The following CSMD1 variants were observed in gnomAD, a reference collection of about 807,000 sequenced individuals.
CSMD1 encodes the protein CUB and sushi domain-containing protein 1.
A neutral mutation model predicts 417.5 loss-of-function variants in CSMD1; 213 were observed. That is an observed-to-expected ratio of 0.51 (90% CI 0.46 to 0.57). CSMD1 has a LOEUF of 0.57. CSMD1 is among the 20% of genes least tolerant of loss of function. CSMD1 has a pLI of 0.00. For missense variants in CSMD1, 6,923 were observed against 4,529.7 expected (o/e 1.53, Z -15.17); for synonymous variants, 2,862 against 1,736.8 (o/e 1.65, Z -16.11).
intron 3 of CSMD1, among the ~76,000 whole-genome samples, chr8:4,319,716 A>G (rs1405880049): frequency 2.6e-5 from 4 of 152,112 alleles, no homozygotes; most frequent in African/African-American, 9.7e-5. Context: ...TTCTTGGATT[A>G]GAGGAAAAAG....
Position 4,137,039 on chromosome 8 carries a change from T to G in CSMD1, c.416-104940A>C, listed in dbSNP as rs553466944. 6.6e-5 allele frequency among the ~76,000 whole-genome samples: 10 copies of G among 152,230 alleles called. No homozygotes were observed. In the South Asian group the frequency reaches 1.0e-3, roughly 16 times the overall value. ...TGTATTTTTACAACATGATCACAGT[T>G]GGTTGGCTTTTCGGGCTCTAACTTC... On this transcript the variant is annotated intron_variant, in intron 3 of 69. Coordinates refer to ENST00000635120, the MANE Select transcript of CSMD1 (RefSeq NM_033225.6).
intron 54 of CSMD1, among the ~76,000 whole-genome samples, chr8:2,997,109 T>C (rs962590322): frequency 1.3e-5 from 2 of 152,236 alleles, no homozygotes; most frequent in African/African-American, 4.8e-5. Flanking sequence ...CTGTGGTTAG[T>C]TGAGTGAACT....
At chr8:4,324,875 C>G (rs1342265956) in intron 3 of CSMD1, among the ~76,000 whole-genome samples, 1 of 152,152 alleles carries the variant, frequency 6.6e-6, no homozygotes, top group African/African-American at 2.4e-5. Context: ...ACCTCAGGGT[C>G]CTGGATCCTC....
intron 7 of CSMD1, among the ~76,000 whole-genome samples, chr8:3,625,214 ACT>A (rs1796436916): frequency 6.6e-6 from 1 of 152,132 alleles, no homozygotes; most frequent in African/African-American, 2.4e-5. Flanking sequence ...TGGATGATAA[ACT>A]CTTATTATCG....
At chr8:3,372,423 C>T (rs1449109471) in intron 18 of CSMD1, among the ~76,000 whole-genome samples, 1 of 152,058 alleles carries the variant, frequency 6.6e-6, no homozygotes, top group African/African-American at 2.4e-5. Context: ...TGGGGTTTAG[C>T]CCTGCTCCTG....
intron 2 of CSMD1, among the ~76,000 whole-genome samples, chr8:4,545,383 C>G (rs1241826780): frequency 6.6e-6 from 1 of 152,154 alleles, no homozygotes; most frequent in Non-Finnish European, 1.5e-5. Flanking sequence ...ATGGAGTTTT[C>G]AATCAATGAA....
At chr8:3,483,657 CAA>C (rs1817865478) in intron 11 of CSMD1, among the ~76,000 whole-genome samples, 1 of 151,840 alleles carries the variant, frequency 6.6e-6, no homozygotes, top group African/African-American at 2.4e-5. Context: ...CAACTGATAC[CAA>C]AGTCAGACAA....
chr8:3,170,006 C>T (rs1053627166), intron 37 of CSMD1, among the ~76,000 whole-genome samples: 11 of 152,156 alleles, frequency 7.2e-5, no homozygotes, highest in African/African-American at 2.2e-4. Context: ...CTAAATTGTG[C>T]GGCCTGACCC....
intron 1 of CSMD1, among the ~76,000 whole-genome samples, chr8:4,710,590 G>C (rs184865236): frequency 3.8e-4 from 58 of 151,074 alleles, no homozygotes; most frequent in African/African-American, 1.3e-3. Flanking sequence ...TCACGCTTGT[G>C]ATCCCAGCAC....
intron 1 of CSMD1, among the ~76,000 whole-genome samples, chr8:4,710,262 T>C (rs1418488288): frequency 6.6e-6 from 1 of 151,902 alleles, no homozygotes; most frequent in African/African-American, 2.4e-5. Context: ...TTTATACACA[T>C]TTTATATACA....
chr8:4,445,193 G>C (rs927398548), intron 2 of CSMD1, among the ~76,000 whole-genome samples: 6 of 152,078 alleles, frequency 3.9e-5, no homozygotes, highest in African/African-American at 1.4e-4. Context: ...TTAATGTGCA[G>C]AATCCTGGTT....
chr8:3,011,703 G>A (rs1467073520), intron 52 of CSMD1, among the ~76,000 whole-genome samples: 1 of 152,204 alleles, frequency 6.6e-6, no homozygotes, highest in Non-Finnish European at 1.5e-5. Context: ...TTGAATACTA[G>A]AGATTGAAGA....
intron 23 of CSMD1, among the ~76,000 whole-genome samples, chr8:3,315,774 A>G (rs1446919354): frequency 2.0e-5 from 3 of 152,174 alleles, no homozygotes; most frequent in Non-Finnish European, 2.9e-5. Flanking sequence ...CAAATTATCT[A>G]TTTTTTGGAA....
intron 2 of CSMD1, among the ~76,000 whole-genome samples, chr8:4,562,613 T>C (rs1463726344): frequency 6.6e-6 from 1 of 152,066 alleles, no homozygotes; most frequent in Non-Finnish European, 1.5e-5. Context: ...AATTTAAATT[T>C]CAGAAATTTA....
At chr8:4,439,313 A>G (rs1309999101) in intron 2 of CSMD1, among the ~76,000 whole-genome samples, 3 of 152,214 alleles carry the variant, frequency 2.0e-5, no homozygotes, top group Non-Finnish European at 4.4e-5. Flanking sequence ...TTACCTTGGT[A>G]ATCAATACGT....
At chr8:4,368,689 T>C (rs79262547) in intron 3 of CSMD1, among the ~76,000 whole-genome samples, 5,554 of 152,278 alleles carry the variant, frequency 0.036, 328 homozygotes, top group African/African-American at 0.13. Flanking sequence ...CCTGGCTTAA[T>C]ATGAGATGTT....
At chr8:3,318,268 T>G (rs1473986251) in intron 23 of CSMD1, among the ~76,000 whole-genome samples, 3 of 152,180 alleles carry the variant, frequency 2.0e-5, no homozygotes, top group Non-Finnish European at 1.5e-5. Flanking sequence ...TTAATAGGTG[T>G]TAAAATGAAA....
chr8:4,398,783 G>A lies in CSMD1; in HGVS notation c.415+21170C>T, dbSNP rs550570089. Reference sequence around the variant, plus strand: ...TTTATCAAAATTATTGATCAGCACTGTTCTTTCACCTATGAATGACCCTAT... The same window carrying A: ...TTTATCAAAATTATTGATCAGCACTATTCTTTCACCTATGAATGACCCTAT... On this transcript the variant is annotated intron_variant, in intron 3 of 69. Transcript: ENST00000635120. Among the ~76,000 whole-genome samples, 4 of 152,242 alleles carry A rather than the reference G, an allele frequency of 2.6e-5. No individual in the cohort carries two copies. The East Asian group carries it at 5.8e-4, about 22-fold the overall frequency.
intron 10 of CSMD1, among the ~76,000 whole-genome samples, chr8:3,543,992 G>C (rs1333918495): frequency 6.6e-6 from 1 of 152,106 alleles, no homozygotes; most frequent in African/African-American, 2.4e-5. Flanking sequence ...ATAGGAAGGG[G>C]ATCAAGAAGC....
Sources: gnomAD v4.1 joint callset for allele counts (sites outside exome capture counted in the v4.1 genomes callset) on GRCh38, gnomAD v4.1.1 for gene constraint, MANE v1.5 for transcripts, NCBI Gene and HGNC (gene_info 2026-07-23, HGNC 2026-07-21) for gene names.